FAAH2: variants seen among roughly 807,000 people sequenced by gnomAD.
FAAH2 encodes the protein fatty-acid amide hydrolase 2.
Under a neutral mutation model 36.9 loss-of-function variants are expected in FAAH2, and 60 were observed. That is an observed-to-expected ratio of 1.63 (90% CI 1.32 to 2.02). FAAH2 has a LOEUF of 2.02. Ranked by LOEUF, FAAH2 falls within the 30% of genes most tolerant of loss-of-function variation. The pLI is 0.00. For missense variants in FAAH2, 689 were observed against 397.5 expected (o/e 1.73, Z -6.23); for synonymous variants, 214 against 143.8 (o/e 1.49, Z -3.49).
the FAAH2 span, among the ~76,000 whole-genome samples, chrX:57,205,857 T>G: frequency 8.9e-6 from 1 of 112,262 alleles, no homozygotes; most frequent in East Asian, 2.8e-4. Context: ...TTGCTGTATT[T>G]GTGCCTTCAT....
the FAAH2 span, among the ~76,000 whole-genome samples, chrX:57,123,044 G>T: frequency 9.0e-6 from 1 of 110,734 alleles, no homozygotes; most frequent in African/African-American, 3.3e-5. Context: ...GGGTACATGT[G>T]CACAATGTGC....
the FAAH2 span, among the ~76,000 whole-genome samples, chrX:57,138,152 A>G: frequency 1.8e-5 from 2 of 112,299 alleles, no homozygotes; most frequent in African/African-American, 6.5e-5. Context: ...ATGTGATTAC[A>G]ATACTTAACA....
At chrX:57,363,265 C>A (rs974173397) in intron 5 of FAAH2, among the ~76,000 whole-genome samples, 1 of 111,312 alleles carries the variant, frequency 9.0e-6, no homozygotes, top group Non-Finnish European at 1.9e-5. Flanking sequence ...TTTTATAATT[C>A]TCAAACTAGA....
chrX:57,451,065 A>G (rs1436556577), intron 10 of FAAH2, among the ~76,000 whole-genome samples: 1 of 111,932 alleles, frequency 8.9e-6, no homozygotes, highest in East Asian at 2.8e-4. Flanking sequence ...AGGAATTTAG[A>G]CACAAAAATC....
intron 3 of FAAH2, among the ~76,000 whole-genome samples, chrX:57,323,940 C>G (rs2053124167): frequency 9.0e-6 from 1 of 110,912 alleles, no homozygotes; most frequent in African/African-American, 3.3e-5. Context: ...AATGGTATTG[C>G]CTAGGTTTTC....
intron 7 of FAAH2, among the ~76,000 whole-genome samples, chrX:57,418,489 C>T (rs2147062114): frequency 9.0e-6 from 1 of 110,896 alleles, no homozygotes; most frequent in Admixed American, 9.6e-5. Context: ...CGAGGGGGTT[C>T]CCTGACCCCT....
At chrX:57,318,903 G>GA (rs1264828874) in intron 3 of FAAH2, among the ~76,000 whole-genome samples, 1 of 111,634 alleles carries the variant, frequency 9.0e-6, no homozygotes, top group Non-Finnish European at 1.9e-5. Flanking sequence ...CACTTAAACA[G>GA]AACCAATGAC....
At chrX:57,173,927 C>A in the FAAH2 span, among the ~76,000 whole-genome samples, 1 of 111,316 alleles carries the variant, frequency 9.0e-6, no homozygotes, top group Non-Finnish European at 1.9e-5. Flanking sequence ...CCCAATTTAT[C>A]ATGGAGAATT....
chrX:57,394,238 TG>T, intron 7 of FAAH2: 1 of 723,678 alleles, frequency 1.4e-6, no homozygotes, highest in Non-Finnish European at 2.2e-6. Flanking sequence ...AAAAAAGTTC[TG>T]GTAAAGATGG....
At position 57,433,146 on chromosome X, in the gene FAAH2, A is replaced by C. The variant is rs777259732; in HGVS notation, c.1116+1109A>C. The stretch of plus-strand genomic sequence containing the variant: ...ATCAAAACTAAAGCTGAAATCAAAA[A>C]CAAAAAGTTTATTTTCAGTTCACTT... On this transcript the variant is annotated intron_variant, in intron 8 of 10. Transcript: ENST00000374900. Among the ~76,000 whole-genome samples the C allele has an allele frequency of 2.7e-5, 3 of 111,698 alleles. No homozygotes were observed. In the Admixed American group the frequency reaches 2.9e-4, roughly 11 times the overall value.
intron 4 of FAAH2, 113 bp from the exon 5 acceptor site, chrX:57,341,158 C>T: frequency 1.4e-6 from 1 of 726,490 alleles, no homozygotes; most frequent in Non-Finnish European, 1.9e-6. Flanking sequence ...GAACAAAAGA[C>T]TCACTTTGGA....
chrX:57,299,393 C>T (rs887996529), intron 2 of FAAH2, among the ~76,000 whole-genome samples: 6 of 111,594 alleles, frequency 5.4e-5, no homozygotes, highest in African/African-American at 2.0e-4. Context: ...AGGCCTTTGA[C>T]AAAATTCAAC....
intron 5 of FAAH2, among the ~76,000 whole-genome samples, chrX:57,377,984 T>C (rs998922544): frequency 1.8e-5 from 2 of 112,100 alleles, no homozygotes; most frequent in African/African-American, 3.2e-5. Flanking sequence ...GCACATTGAT[T>C]TTGTATCCTG....
At chrX:57,204,291 G>A in the FAAH2 span, among the ~76,000 whole-genome samples, 3 of 111,404 alleles carry the variant, frequency 2.7e-5, no homozygotes, top group Non-Finnish European at 3.8e-5. Flanking sequence ...AGATCAGAAA[G>A]CATGTGTAAC....
chrX:57,440,915 C>A (rs1001906167), intron 8 of FAAH2, among the ~76,000 whole-genome samples: 6 of 111,364 alleles, frequency 5.4e-5, no homozygotes, highest in Non-Finnish European at 1.1e-4. Flanking sequence ...TATTGATTTG[C>A]ATATGTTGAA....
chrX:57,178,891 A>G, the FAAH2 span, among the ~76,000 whole-genome samples: 1 of 112,064 alleles, frequency 8.9e-6, no homozygotes, highest in Non-Finnish European at 1.9e-5. Context: ...GACAGAAACC[A>G]TAGATTTCAA....
intron 10 of FAAH2, among the ~76,000 whole-genome samples, chrX:57,484,126 C>T (rs982227982): frequency 5.4e-5 from 6 of 110,882 alleles, no homozygotes; most frequent in African/African-American, 2.0e-4. Context: ...TTTTATTGCG[C>T]TTTTCACTTT....
the FAAH2 span, among the ~76,000 whole-genome samples, chrX:57,230,355 G>A: frequency 8.9e-6 from 1 of 112,146 alleles, no homozygotes; most frequent in East Asian, 2.8e-4. Context: ...AAACTATCAA[G>A]AGGTAGAATA....
chrX:57,408,806 T>G (rs1368751877), intron 7 of FAAH2, among the ~76,000 whole-genome samples: 1 of 111,630 alleles, frequency 9.0e-6, no homozygotes, highest in Non-Finnish European at 1.9e-5. Flanking sequence ...GTATTTTTCT[T>G]TACATGTAAT....
Sources: gnomAD v4.1 joint callset for allele counts (sites outside exome capture counted in the v4.1 genomes callset) on GRCh38, gnomAD v4.1.1 for gene constraint, MANE v1.5 for transcripts, NCBI Gene and HGNC (gene_info 2026-07-23, HGNC 2026-07-21) for gene names.